CRYBG3: variants seen among roughly 807,000 people sequenced by gnomAD.
CRYBG3 encodes the protein crystallin beta-gamma domain containing 3.
In CRYBG3, 127 loss-of-function variants were observed where a neutral mutation model predicts 244.2. The ratio of observed to expected loss-of-function variants is 0.52; its 90% CI spans 0.45 to 0.60. The LOEUF (loss-of-function observed/expected upper bound fraction) is 0.60. CRYBG3 is among the 20% of genes least tolerant of loss of function. The pLI, the probability that CRYBG3 is intolerant of heterozygous loss-of-function variation, is 0.00. For synonymous variants in CRYBG3, 1,132 were observed against 1,195.8 expected (o/e 0.95, Z 1.10); for missense variants, 3,325 against 3,442.5 (o/e 0.97, Z 0.85).
chr3:97,941,758 G>A (rs1444641847), intron 20 of CRYBG3: 1 of 153,220 alleles, frequency 6.5e-6, no homozygotes, highest in Non-Finnish European at 1.5e-5. Flanking sequence ...AAAATTTAGG[G>A]TTCTTTTCTA....
chr3:97,866,072 A>G (rs1403291246), intron 3 of CRYBG3, among the ~76,000 whole-genome samples: 1 of 152,234 alleles, frequency 6.6e-6, no homozygotes. Flanking sequence ...TAATCTGTTA[A>G]TAAGTGAAAA....
At chr3:97,856,488 G>T (rs773245054) in intron 2 of CRYBG3, among the ~76,000 whole-genome samples, 5 of 152,162 alleles carry the variant, frequency 3.3e-5, no homozygotes, top group Non-Finnish European at 1.5e-5. Context: ...AAGTGTCTAT[G>T]AAATCTTTAC....
chr3:97,936,975 G>GC (rs2040172250), intron 19 of CRYBG3, 67 bp downstream of exon 19: 1 of 1,528,682 alleles, frequency 6.5e-7, no homozygotes, highest in Non-Finnish European at 8.9e-7. Flanking sequence ...ATAAACCACA[G>GC]CATCTGAAAT....
chr3:97,883,787 A>G (rs779945748), intron 7 of CRYBG3, among the ~76,000 whole-genome samples: 2 of 152,180 alleles, frequency 1.3e-5, no homozygotes, highest in Non-Finnish European at 2.9e-5. Flanking sequence ...TAGGCATCAA[A>G]CTGCTTCCTT....
At chr3:97,942,534 T>C in intron 21 of CRYBG3, 91 bp downstream of exon 21, 1 of 1,146,130 alleles carries the variant, frequency 8.7e-7, no homozygotes, top group Non-Finnish European at 1.2e-6. Context: ...TCCTTATGTA[T>C]AAGAGAAATG....
intron 17 of CRYBG3, among the ~76,000 whole-genome samples, chr3:97,923,416 A>G (rs553875179): frequency 6.6e-6 from 1 of 152,238 alleles, no homozygotes; most frequent in East Asian, 1.9e-4. Context: ...TAATGGTATT[A>G]ACTATTATGC....
chr3:97,843,176 T>A lies in CRYBG3; in HGVS notation c.150-19T>A. On this transcript the variant is annotated intron_variant, in intron 1 of 21. Transcript: ENST00000389622. ...ATTTTCTTTTAATTTCAAAAGAAAC[T>A]GTGGTTTTTATTTTTCAGTGTTGAA... 6.8e-7 allele frequency: 1 copy of A among 1,466,166 alleles called. No homozygotes were observed. The highest frequency in any genetic ancestry group is 9.0e-7 in the Non-Finnish European group (1 of 1,105,020). The allele number at this position is 1,466,166 out of a possible 1,614,324, so 90.8% of individuals were successfully genotyped here. A position where few individuals can be genotyped will look rare whatever the true frequency, so the allele number is the denominator to read the frequency against.
chr3:97,925,891 A>T (rs987514908), intron 17 of CRYBG3, among the ~76,000 whole-genome samples: 3 of 152,022 alleles, frequency 2.0e-5, no homozygotes, highest in Admixed American at 2.0e-4. Context: ...AAGAAAGGTA[A>T]ATCCATGTTG....
At chr3:97,920,902 CT>C (rs1357990396) in intron 17 of CRYBG3, among the ~76,000 whole-genome samples, 1 of 152,164 alleles carries the variant, frequency 6.6e-6, no homozygotes, top group African/African-American at 2.4e-5. Flanking sequence ...CTCATTCTGT[CT>C]TTCTAAAACT....
chr3:97,854,520 T>G (rs2039037069), intron 2 of CRYBG3, among the ~76,000 whole-genome samples: 1 of 152,150 alleles, frequency 6.6e-6, no homozygotes, highest in South Asian at 2.1e-4. Context: ...CATTGATGAT[T>G]TCTTTCAGCA....
chr3:97,822,464 C>G, intron 1 of CRYBG3, 109 bp downstream of exon 1: 1 of 1,073,724 alleles, frequency 9.3e-7, no homozygotes, highest in South Asian at 1.8e-5. Flanking sequence ...CTGCAGTTCG[C>G]TCGCCACTTT....
intron 1 of CRYBG3, among the ~76,000 whole-genome samples, chr3:97,841,408 G>A (rs1016234416): frequency 2.8e-4 from 43 of 151,606 alleles, no homozygotes; most frequent in Non-Finnish European, 5.4e-4. Context: ...AGCGGTATCC[G>A]TTTGGTCCAT....
rs1269720363 is a variant in CRYBG3, at chr3:97,872,183, A to G, written c.989A>G (p.Asn330Ser). 5 of 1,535,846 alleles carry G rather than the reference A, an allele frequency of 3.3e-6. No homozygotes were observed. The highest frequency in any genetic ancestry group is 1.4e-5 in the African/African-American group (1 of 73,158). The change falls in exon 4 of 22, where the codon AAT becomes AGT. Residue 330 changes from asparagine (N) to serine (S), a missense_variant. Transcript: ENST00000389622. The part of the protein sequence containing the change: ...NPELQNIASS[N>S]NLLNKNAWGS... ...GAACTGCAGAATATTGCCTCTTCCA[A>G]TAATCTTTTAAATAAAAATGCTTGG...
intron 1 of CRYBG3, among the ~76,000 whole-genome samples, chr3:97,826,408 G>T (rs1346389151): frequency 6.6e-6 from 1 of 152,096 alleles, no homozygotes; most frequent in African/African-American, 2.4e-5. Flanking sequence ...ACATTTTTAA[G>T]TTTTTTTACT....
At chr3:97,918,134 T>G (rs2039946655) in intron 17 of CRYBG3, among the ~76,000 whole-genome samples, 1 of 152,230 alleles carries the variant, frequency 6.6e-6, no homozygotes, top group South Asian at 2.1e-4. Context: ...TTTTGTTAGT[T>G]AAAACTGCAG....
At chr3:97,909,223 G>A (rs1043682093) in intron 15 of CRYBG3, among the ~76,000 whole-genome samples, 14 of 148,084 alleles carry the variant, frequency 9.5e-5, no homozygotes, top group South Asian at 2.2e-4. Context: ...ACAATTATGT[G>A]TCTTGGAGTT....
rs1373714852 is a variant in CRYBG3 at position 97,853,217 on chromosome 3, C to T, written c.216+9956C>T. 3.0e-5 allele frequency among the ~76,000 whole-genome samples: 4 copies of T among 135,424 alleles called. No homozygotes were observed. In the East Asian group the frequency reaches 1.0e-3, roughly 34 times the overall value. The allele number at this position is 135,424 out of a possible 152,430, so 88.8% of individuals were successfully genotyped here. A position where few individuals can be genotyped will look rare whatever the true frequency, so the allele number is the denominator to read the frequency against. ...CATTTTTATCATTCTTATGCCTTTG[C>T]ATCCTTTTAGCTTAGCTTTCACATA... On this transcript the variant is annotated intron_variant, in intron 2 of 21. Coordinates refer to ENST00000389622, the MANE Select transcript of CRYBG3 (RefSeq NM_153605.4).
intron 17 of CRYBG3, among the ~76,000 whole-genome samples, chr3:97,917,025 T>G (rs1559743363): frequency 1.3e-5 from 2 of 152,124 alleles, no homozygotes; most frequent in Non-Finnish European, 2.9e-5. Flanking sequence ...AGATACTTAC[T>G]TGGTGTTAAC....
intron 12 of CRYBG3, among the ~76,000 whole-genome samples, 171 bp downstream of exon 12, chr3:97,896,256 T>C (rs908260918): frequency 6.6e-6 from 1 of 152,004 alleles, no homozygotes; most frequent in African/African-American, 2.4e-5. Context: ...ATGATTATTA[T>C]GGAATTTTTT....
Sources: gnomAD v4.1 joint callset for allele counts (sites outside exome capture counted in the v4.1 genomes callset) on GRCh38, gnomAD v4.1.1 for gene constraint, MANE v1.5 for transcripts, NCBI Gene and HGNC (gene_info 2026-07-23, HGNC 2026-07-21) for gene names.